CSMD1: variants seen among roughly 807,000 people sequenced by gnomAD.
CSMD1 encodes CUB and sushi domain-containing protein 1.
In CSMD1, 213 loss-of-function variants were observed where a neutral mutation model predicts 417.5. That is an observed-to-expected ratio of 0.51 (90% CI 0.46 to 0.57). The LOEUF is 0.57. CSMD1 is among the 20% of genes least tolerant of loss of function. The pLI is 0.00. For synonymous variants in CSMD1, 2,862 were observed against 1,736.8 expected (o/e 1.65, Z -16.11); for missense variants, 6,923 against 4,529.7 (o/e 1.53, Z -15.17).
intron 42 of CSMD1, 101 bp downstream of exon 42, chr8:3,118,298 T>C (rs1402370548): frequency 1.3e-5 from 11 of 818,046 alleles, no homozygotes; most frequent in Admixed American, 1.2e-4. Context: ...CGAATATTTA[T>C]TGAATACATT....
chr8:4,069,817 C>A (rs556134300), intron 3 of CSMD1, among the ~76,000 whole-genome samples: 8 of 152,202 alleles, frequency 5.3e-5, no homozygotes, highest in Non-Finnish European at 4.4e-5. Flanking sequence ...CAACTCACTA[C>A]TGAAAGAATA....
At chr8:4,928,537 C>T (rs1807029423) in intron 1 of CSMD1, among the ~76,000 whole-genome samples, 1 of 152,156 alleles carries the variant, frequency 6.6e-6, no homozygotes, top group Non-Finnish European at 1.5e-5. Context: ...CTTCTTCTCT[C>T]TGAAATAACA....
At chr8:3,305,425 C>A (rs1017624564) in intron 25 of CSMD1, among the ~76,000 whole-genome samples, 9 of 151,186 alleles carry the variant, frequency 6.0e-5, no homozygotes, top group Non-Finnish European at 3.0e-5. Flanking sequence ...AAGTGGGAGC[C>A]CTTATGAGGT....
chr8:3,999,955 G>A (rs774301689), intron 4 of CSMD1, among the ~76,000 whole-genome samples: 5 of 152,184 alleles, frequency 3.3e-5, no homozygotes, highest in Non-Finnish European at 7.3e-5. Flanking sequence ...TAATTATTAA[G>A]TGCACAGATT....
At chr8:4,562,552 G>T (rs1200135793) in intron 2 of CSMD1, among the ~76,000 whole-genome samples, 2 of 152,110 alleles carry the variant, frequency 1.3e-5, no homozygotes. Flanking sequence ...AAGTATACAT[G>T]AAATGGAACA....
At chr8:4,344,531 T>G (rs1800671322) in intron 3 of CSMD1, among the ~76,000 whole-genome samples, 1 of 150,812 alleles carries the variant, frequency 6.6e-6, no homozygotes, top group Non-Finnish European at 1.5e-5. Flanking sequence ...GAAATATATA[T>G]AAATAAATAG....
rs1435600384 is a variant in CSMD1, at chr8:3,214,017, T to A, written c.4867+480A>T. ...CGCACCACCACACCCAGTTAATTTT[T>A]GTATTTTTAGCGGAGACAGGGTTTC... On this transcript the variant is annotated intron_variant, in intron 30 of 69. Transcript: ENST00000635120. Among the ~76,000 whole-genome samples, 3 of 152,002 alleles carry A rather than the reference T, an allele frequency of 2.0e-5. No homozygotes were observed. The East Asian group carries it at 5.8e-4, about 29-fold the overall frequency.
At chr8:3,139,172 C>A (rs2129030127) in intron 41 of CSMD1, among the ~76,000 whole-genome samples, 1 of 152,252 alleles carries the variant, frequency 6.6e-6, no homozygotes, top group South Asian at 2.1e-4. Flanking sequence ...AACATTGTGT[C>A]CTGGCGCTTG....
intron 20 of CSMD1, among the ~76,000 whole-genome samples, chr8:3,362,848 C>G (rs894646944): frequency 1.3e-5 from 2 of 152,172 alleles, no homozygotes; most frequent in African/African-American, 4.8e-5. Flanking sequence ...CCTGTAGTCT[C>G]AGCTTCCATC....
intron 20 of CSMD1, among the ~76,000 whole-genome samples, chr8:3,362,101 A>C (rs759331794): frequency 2.6e-5 from 4 of 152,114 alleles, no homozygotes; most frequent in Non-Finnish European, 5.9e-5. Flanking sequence ...TATTTCCATC[A>C]AGATAAAAAT....
intron 1 of CSMD1, among the ~76,000 whole-genome samples, chr8:4,981,088 A>C (rs1477416601): frequency 6.6e-6 from 1 of 152,228 alleles, no homozygotes; most frequent in Non-Finnish European, 1.5e-5. Context: ...ATCTTTGCAG[A>C]TATTTCCCAT....
Position 2,938,567 on chromosome 8 carries a change from C to T in CSMD1, c.*18G>A, listed in dbSNP as rs1281656718. On this transcript the variant is annotated 3_prime_UTR_variant, in exon 70 of 70. Transcript: ENST00000635120. ...TCAGAGGTATGGCTATGAATCAGTC[C>T]TGTTGGGGCACTGAGGGCTATACCA... The T allele has an allele frequency of 6.2e-7, 1 of 1,605,634 alleles. No individual in the cohort carries two copies. Among genetic ancestry groups the T allele is most frequent in the Admixed American group, 1.7e-5 (1 of 59,090 alleles).
At chr8:4,543,722 A>T (rs1362422406) in intron 2 of CSMD1, among the ~76,000 whole-genome samples, 1 of 150,208 alleles carries the variant, frequency 6.7e-6, no homozygotes, top group East Asian at 2.0e-4. Context: ...GTGTCTTCCA[A>T]ACGGGCTGTA....
intron 3 of CSMD1, among the ~76,000 whole-genome samples, chr8:4,258,349 GAAA>G (rs1803611343): frequency 2.5e-5 from 1 of 39,266 alleles, no homozygotes; most frequent in Non-Finnish European, 4.6e-5. Context: ...AGGGGAGGGA[GAAA>G]GAGAAGGAGG....
At chr8:4,897,048 T>A (rs1360314067) in intron 1 of CSMD1, among the ~76,000 whole-genome samples, 1 of 152,136 alleles carries the variant, frequency 6.6e-6, no homozygotes, top group Non-Finnish European at 1.5e-5. Flanking sequence ...GTTTTAAAAC[T>A]CAGGAGTAAA....
chr8:4,503,283 A>C (rs560642321), intron 2 of CSMD1, among the ~76,000 whole-genome samples: 72 of 152,246 alleles, frequency 4.7e-4, no homozygotes, highest in African/African-American at 1.7e-3. Flanking sequence ...CATTTATGAT[A>C]AGAAGGTGTT....
intron 7 of CSMD1, among the ~76,000 whole-genome samples, chr8:3,702,975 T>C (rs927292034): frequency 6.6e-6 from 1 of 152,202 alleles, no homozygotes; most frequent in Non-Finnish European, 1.5e-5. Context: ...AGATGCCCTT[T>C]TGGAGACATA....
At chr8:4,178,478 T>C (rs1038302113) in intron 3 of CSMD1, among the ~76,000 whole-genome samples, 83 of 151,312 alleles carry the variant, frequency 5.5e-4, no homozygotes, top group Admixed American at 1.2e-3. Context: ...AATATCATAC[T>C]GAATGGGCAA....
At chr8:3,728,669 G>A (rs1014713895) in intron 6 of CSMD1, among the ~76,000 whole-genome samples, 1 of 151,938 alleles carries the variant, frequency 6.6e-6, no homozygotes, top group African/African-American at 2.4e-5. Flanking sequence ...TGGAACAGAA[G>A]GAGAAAGTAG....
Sources: allele counts gnomAD v4.1 joint callset (sites outside exome capture counted in the v4.1 genomes callset), GRCh38; gene constraint gnomAD v4.1.1; transcripts MANE v1.5; gene names NCBI Gene and HGNC (gene_info 2026-07-23, HGNC 2026-07-21).